PDSS2: variants seen among roughly 807,000 people sequenced by gnomAD.
The protein encoded by PDSS2 is decaprenyl diphosphate synthase subunit 2.
Under a neutral mutation model 44.5 loss-of-function variants are expected in PDSS2, and 31 were observed. The ratio of observed to expected loss-of-function variants is 0.70; its 90% confidence interval spans 0.52 to 0.94. PDSS2 has a LOEUF of 0.94. Ranked by LOEUF, PDSS2 falls within the 40% of genes least tolerant of loss-of-function variation. PDSS2 has a pLI of 0.00. For synonymous variants in PDSS2, 157 were observed against 180.3 expected (o/e 0.87, Z 1.03); for missense variants, 452 against 482.2 (o/e 0.94, Z 0.59).
chr6:107,164,924 T>C (rs1440945686), intron 7 of PDSS2, among the ~76,000 whole-genome samples: 1 of 152,248 alleles, frequency 6.6e-6, no homozygotes, highest in African/African-American at 2.4e-5. Context: ...CCAGTGATGA[T>C]GAGCATTTTT....
At chr6:107,211,498 A>G (rs577703017) in intron 5 of PDSS2, among the ~76,000 whole-genome samples, 50 of 151,814 alleles carry the variant, frequency 3.3e-4, no homozygotes, top group Admixed American at 6.6e-4. Flanking sequence ...TTGGGAGGCC[A>G]AGGCGGGCAG....
chr6:107,229,586 C>G (rs1223969037), intron 4 of PDSS2, among the ~76,000 whole-genome samples: 1 of 152,164 alleles, frequency 6.6e-6, no homozygotes, highest in Non-Finnish European at 1.5e-5. Context: ...CACTGATTCC[C>G]TCTTTCTAGT....
intron 7 of PDSS2, 40 bp from the exon 8 acceptor site, chr6:107,154,817 G>A: frequency 1.3e-6 from 2 of 1,584,828 alleles, no homozygotes; most frequent in Non-Finnish European, 1.7e-6. Flanking sequence ...CAGTTTTAAA[G>A]GTACACAGTA....
chr6:107,373,053 G>A (rs1052421348), intron 1 of PDSS2, among the ~76,000 whole-genome samples: 1 of 147,198 alleles, frequency 6.8e-6, no homozygotes, highest in Non-Finnish European at 1.5e-5. Context: ...GTGTGATCTC[G>A]GCTCACCACA....
intron 1 of PDSS2, among the ~76,000 whole-genome samples, chr6:107,371,608 G>A (rs2114385429): frequency 6.6e-6 from 1 of 152,280 alleles, no homozygotes; most frequent in Middle Eastern, 3.4e-3. Context: ...TCACTTCAGA[G>A]TGAAAATACT....
chr6:107,407,298 A>C (rs1208813669), intron 1 of PDSS2, among the ~76,000 whole-genome samples: 1 of 152,178 alleles, frequency 6.6e-6, no homozygotes, highest in African/African-American at 2.4e-5. Context: ...CAGGGAGAGG[A>C]GCAAATGAGG....
chr6:107,303,756 T>C (rs1370232944), intron 2 of PDSS2, among the ~76,000 whole-genome samples: 1 of 152,208 alleles, frequency 6.6e-6, no homozygotes, highest in Admixed American at 6.5e-5. Flanking sequence ...TCTATTATTG[T>C]AAACACTGCT....
intron 1 of PDSS2, among the ~76,000 whole-genome samples, chr6:107,444,626 T>C (rs1176875026): frequency 6.6e-6 from 1 of 152,220 alleles, no homozygotes; most frequent in Non-Finnish European, 1.5e-5. Context: ...ATAAGTAATG[T>C]AGGTTTTCAG....
chr6:107,383,562 C>G (rs1476233166), intron 1 of PDSS2, among the ~76,000 whole-genome samples: 5 of 151,730 alleles, frequency 3.3e-5, no homozygotes, highest in Non-Finnish European at 7.4e-5. Context: ...GCAAACCATG[C>G]CTCTGAGAAG....
At position 107,388,910 on chromosome 6, in the gene PDSS2, A is replaced by G. The variant is rs201993715; in HGVS notation, c.297-54578T>C. ...AAGGAATAACCTACTGATTCACACA[A>G]TGAGATGGATAAATCTTAAATGCAT... On this transcript the variant is annotated intron_variant, in intron 1 of 7. Coordinates refer to ENST00000369037, the MANE Select transcript of PDSS2 (RefSeq NM_020381.4). Among the ~76,000 whole-genome samples, 10 of 141,634 alleles carry G rather than the reference A, an allele frequency of 7.1e-5. No individual in the cohort carries two copies. The East Asian group carries it at 1.9e-3, about 27-fold the overall frequency. The allele number at this position is 141,634 out of a possible 152,430, so 92.9% of individuals were successfully genotyped here.
At chr6:107,398,045 A>G (rs1015702770) in intron 1 of PDSS2, among the ~76,000 whole-genome samples, 1 of 152,218 alleles carries the variant, frequency 6.6e-6, no homozygotes, top group Admixed American at 6.5e-5. Flanking sequence ...AAGTACATTG[A>G]CATGGTTTCA....
At chr6:107,268,286 G>A (rs1364091842) in intron 3 of PDSS2, among the ~76,000 whole-genome samples, 1 of 151,992 alleles carries the variant, frequency 6.6e-6, no homozygotes, top group African/African-American at 2.4e-5. Flanking sequence ...AATTTATCAT[G>A]CAAACTGGGA....
At chr6:107,232,753 A>G (rs1032217634) in intron 4 of PDSS2, among the ~76,000 whole-genome samples, 1 of 152,232 alleles carries the variant, frequency 6.6e-6, no homozygotes, top group African/African-American at 2.4e-5. Context: ...GATGCTCAAA[A>G]GACACATTAA....
At chr6:107,391,487 G>A (rs1488955280) in intron 1 of PDSS2, among the ~76,000 whole-genome samples, 1 of 124,142 alleles carries the variant, frequency 8.1e-6, no homozygotes, top group Non-Finnish European at 2.1e-5. Flanking sequence ...TCCAAGCAGG[G>A]GATGGGGGGA....
In PDSS2 at chr6:107,459,353, A is replaced by C. The variant is rs1583116666; in HGVS notation, c.-68T>G. ...GTGCCGCGGGAAACAAACCAGGGGC[A>C]GAGGAGGAACTTACAGTAACTAAAA... On this transcript the variant is annotated 5_prime_UTR_variant, in exon 1 of 8. Coordinates refer to ENST00000369037, the MANE Select transcript of PDSS2 (RefSeq NM_020381.4). This position sits in a 1 kb window ranked among gnomAD's most constrained non-coding sequence, Gnocchi z 4.3. The C allele has an allele frequency of 7.4e-7, 1 of 1,347,482 alleles. No individual in the cohort carries two copies. Among genetic ancestry groups the C allele is most frequent in the East Asian group, 2.3e-5 (1 of 43,404 alleles). 83.5% of individuals were successfully genotyped at this position (1,347,482 alleles called of 1,614,324 possible). A position where few individuals can be genotyped will look rare whatever the true frequency, so the allele number is the denominator to read the frequency against.
intron 1 of PDSS2, among the ~76,000 whole-genome samples, chr6:107,392,290 G>C (rs1341044590): frequency 1.3e-5 from 2 of 152,180 alleles, no homozygotes; most frequent in Non-Finnish European, 1.5e-5. Flanking sequence ...TCAGTATACT[G>C]AAGTAGATTT....
chr6:107,191,180 C>T (rs746858096), intron 7 of PDSS2, among the ~76,000 whole-genome samples: 3 of 152,114 alleles, frequency 2.0e-5, no homozygotes, highest in Non-Finnish European at 2.9e-5. Flanking sequence ...TGTGAGCCAC[C>T]GTGCCCGGCC....
At chr6:107,250,945 T>C (rs1774796900) in intron 3 of PDSS2, among the ~76,000 whole-genome samples, 2 of 152,050 alleles carry the variant, frequency 1.3e-5, no homozygotes, top group Admixed American at 1.3e-4. Context: ...AACTTCCATC[T>C]CCCGGGTTCA....
At chr6:107,266,552 A>G (rs1184355645) in intron 3 of PDSS2, among the ~76,000 whole-genome samples, 2 of 152,230 alleles carry the variant, frequency 1.3e-5, no homozygotes, top group East Asian at 3.8e-4. Context: ...CATAGCCTAA[A>G]AAGGAAAAAA....
Sources: gnomAD v4.1 joint callset for allele counts (sites outside exome capture counted in the v4.1 genomes callset) on GRCh38, gnomAD v4.1.1 for gene constraint, Gnocchi (gnomAD v3.1) non-coding constraint, MANE v1.5 for transcripts, NCBI Gene and HGNC (gene_info 2026-07-23, HGNC 2026-07-21) for gene names.